Variants in OTOA observed in about 807,000 individuals in gnomAD.
The protein encoded by OTOA is otoancorin.
OTOA carries 70 observed loss-of-function variants against 110.8 expected under a neutral mutation model. The observed-to-expected ratio is 0.63, with a 90% CI of 0.52 to 0.77. The LOEUF is 0.77. Among genes scored for constraint, OTOA ranks in the 30% least tolerant of loss-of-function variants. OTOA has a pLI of 0.00. For synonymous variants in OTOA, 373 were observed against 431.5 expected (o/e 0.86, Z 1.68); for missense variants, 917 against 1,075.8 (o/e 0.85, Z 2.06).
In OTOA at chr16:21,722,963, T is replaced by A. The variant is rs750007142; in HGVS notation, c.1865T>A (p.Leu622His). The A allele has an allele frequency of 2.5e-6, 4 of 1,614,024 alleles. No homozygotes were observed. Among genetic ancestry groups the A allele is most frequent in the Non-Finnish European group, 3.4e-6 (4 of 1,180,006 alleles). ...TCCAGATTGTCTATGCCACCTTTCC[T>A]CTTGGCTGCACTCCCGTAAGTGAAC... ...EVSRLSMPPF[L>H]LAALPARYLA... The change falls in exon 18 of 29, where the codon CTC becomes CAC. Residue 622 changes from leucine to histidine, a missense_variant. Leu to His is a moderately conservative substitution (Grantham distance 99). Around this residue, in one of 6 missense-constraint regions of OTOA, gnomAD observed 840 missense variants for 910.2 expected, o/e 0.92. Transcript: ENST00000646100.
At chr16:21,738,456 T>C (rs573866327) in intron 22 of OTOA, among the ~76,000 whole-genome samples, 1 of 131,374 alleles carries the variant, frequency 7.6e-6, no homozygotes, top group East Asian at 2.2e-4. Flanking sequence ...CCCGTTTTTT[T>C]TTTTTCTTGG....
In OTOA at chr16:21,700,866, C is replaced by T. The variant is rs374823568; in HGVS notation, c.841-22C>T. On this transcript the variant is annotated intron_variant, in intron 10 of 28. Transcript: ENST00000646100. ...CACTTCCACCCTCCTCACTGATATT[C>T]TCGTCCTTGTCCACCAACTAGATTG... is the stretch of plus-strand genomic sequence containing the variant. 6 of 1,613,608 alleles carry T rather than the reference C, an allele frequency of 3.7e-6. No homozygotes were observed. In the African/African-American group the frequency reaches 6.7e-5, roughly 18 times the overall value.
chr16:21,691,569 G>A lies in OTOA; in HGVS notation c.636-15G>A, dbSNP rs758589557. On this transcript the variant is annotated splice_polypyrimidine_tract_variant and intron_variant, in intron 8 of 28. Transcript: ENST00000646100. ...CTGCTTGTTATTAGCTGATGCCTGT[G>A]TTTGTGTCATTTAGATCTGCAGTGT... The A allele has an allele frequency of 4.4e-6, 7 of 1,605,248 alleles. No individual in the cohort carries two copies. In the South Asian group the frequency reaches 4.4e-5, roughly 10 times the overall value.
intron 9 of OTOA, among the ~76,000 whole-genome samples, chr16:21,693,184 AGCCCGGGAG>A (rs1897867739): frequency 6.6e-6 from 1 of 152,140 alleles, no homozygotes; most frequent in Non-Finnish European, 1.5e-5. Flanking sequence ...GAATCACTTG[AGCCCGGGAG>A]GCAGAACTTG....
At chr16:21,683,657 G>T (rs758984163) in intron 6 of OTOA, among the ~76,000 whole-genome samples, 3 of 152,006 alleles carry the variant, frequency 2.0e-5, no homozygotes, top group Non-Finnish European at 4.4e-5. Context: ...GGTGAGCTAT[G>T]ATCATACCAC....
intron 1 of OTOA, among the ~76,000 whole-genome samples, chr16:21,675,739 T>C (rs1361573719): frequency 1.3e-5 from 2 of 152,122 alleles, no homozygotes; most frequent in Admixed American, 1.3e-4. Flanking sequence ...ACCTACCATG[T>C]CTCTCCCTTT....
In OTOA at chr16:21,709,909, A is replaced by G. The variant is rs751212473; in HGVS notation, c.1126A>G (p.Ile376Val). 6.2e-7 allele frequency: 1 copy of G among 1,613,878 alleles called. No individual in the cohort carries two copies. Among genetic ancestry groups the G allele is most frequent in the Non-Finnish European group, 8.5e-7 (1 of 1,179,836 alleles). ...VQKLKAELLDIAMENQTLNET... is the reference protein window; with the variant it reads ...VQKLKAELLDVAMENQTLNET... ...CCAGCTCAAAGCAGAACTCCTGGAC[A>G]TTGCCATGGAGAACCAGACCCTCAA... Residue 376 changes from isoleucine to valine, a missense_variant, in exon 13 of 29, where the codon ATT becomes GTT. Ile to Val is a conservative substitution (Grantham distance 29). Coordinates refer to ENST00000646100, the MANE Select transcript of OTOA (RefSeq NM_144672.4).
chr16:21,707,603 TTC>T lies in OTOA; in HGVS notation c.1105-2283_1105-2282del, dbSNP rs1898209564. On this transcript the variant is annotated intron_variant, in intron 12 of 28. Transcript: ENST00000646100. ...CTTCCTTCTCCTTCCTTTTCTTTCT[TTC>T]TTTCTTTCTTTCTTTCTTTCTTTCT... Among the ~76,000 whole-genome samples the T allele has an allele frequency of 3.9e-5, 3 of 75,976 alleles. 1 individual carries two copies. Among genetic ancestry groups the T allele is most frequent in the African/African-American group, 8.4e-5 (2 of 23,688 alleles). 49.8% of individuals were successfully genotyped at this position (75,976 alleles called of 152,430 possible). A position where few individuals can be genotyped will look rare whatever the true frequency, so the allele number is the denominator to read the frequency against.
In OTOA at chr16:21,705,171, T is replaced by G. The variant is rs1898134793; in HGVS notation, c.983T>G (p.Leu328Arg). Reference sequence around the variant, plus strand: ...CCATCCCTCCTCTTCTCACACAGGCTGGGGCTGCTGGTTTGTTTCTACAAT... The same window carrying G: ...CCATCCCTCCTCTTCTCACACAGGCGGGGGCTGCTGGTTTGTTTCTACAAT... ...NMRNTSTIHR[L>R]GLLVCFYNDL... Residue 328 changes from leucine to arginine, a missense_variant and splice_region_variant, in exon 12 of 29, where the codon CTG (leucine) becomes CGG (arginine). Around this residue, in one of 6 missense-constraint regions of OTOA, gnomAD observed 840 missense variants for 910.2 expected, o/e 0.92. Transcript: ENST00000646100. 1 of 1,614,162 alleles carries G rather than the reference T, an allele frequency of 6.2e-7. No individual in the cohort carries two copies. Among genetic ancestry groups the G allele is most frequent in the Non-Finnish European group, 8.5e-7 (1 of 1,180,016 alleles).
At chr16:21,721,232 TACAC>T (rs35961471) in intron 17 of OTOA, 89,789 of 367,874 alleles carry the variant, frequency 0.24, 4,847 homozygotes, top group Non-Finnish European at 0.27. Context: ...ACATAATTAT[TACAC>T]ACACACACAC....
rs781385117 is a variant in OTOA at position 21,679,014 on chromosome 16, A to G, written c.121-22A>G. The G allele has an allele frequency of 1.1e-5, 18 of 1,613,972 alleles. 1 individual carries two copies. In the South Asian group the frequency reaches 2.0e-4, roughly 18 times the overall value. On this transcript the variant is annotated intron_variant, in intron 3 of 28. Coordinates refer to ENST00000646100, the MANE Select transcript of OTOA (RefSeq NM_144672.4). The stretch of plus-strand genomic sequence containing the variant: ...TGCCAACTTTTGGTTGTTATACTTG[A>G]TGTTATCTCTTTGCCTTTTAGGAAG...
chr16:21,695,900 T>A (rs1321643172), intron 9 of OTOA, among the ~76,000 whole-genome samples: 1 of 121,970 alleles, frequency 8.2e-6, no homozygotes, highest in Non-Finnish European at 1.7e-5. Context: ...TATTTTTTTT[T>A]TTTTTTTTTT....
At chr16:21,668,534 C>A (rs1966845084) in intron 1 of OTOA, among the ~76,000 whole-genome samples, 1 of 142,324 alleles carries the variant, frequency 7.0e-6, no homozygotes, top group East Asian at 2.0e-4. Flanking sequence ...GATCTCGGGT[C>A]ACTGCAACCT....
intron 19 of OTOA, 148 bp downstream of exon 19, chr16:21,726,806 G>A: frequency 8.5e-7 from 1 of 1,173,740 alleles, no homozygotes; most frequent in Admixed American, 1.9e-5. Context: ...TAAAGTTGCT[G>A]GTTGGAACAA....
intron 2 of OTOA, 93 bp from the exon 3 acceptor site, chr16:21,678,822 G>A: frequency 1.3e-6 from 2 of 1,483,410 alleles, no homozygotes; most frequent in East Asian, 2.3e-5. Flanking sequence ...TCCTTCATGA[G>A]TGGCTTTCTG....
chr16:21,670,613 G>A lies in OTOA; in HGVS notation c.-5+6381G>A, dbSNP rs1176411129. 3.9e-5 allele frequency among the ~76,000 whole-genome samples: 6 copies of A among 152,134 alleles called. 1 individual carries two copies. Among genetic ancestry groups the A allele is most frequent in the African/African-American group, 1.2e-4 (5 of 41,434 alleles). On this transcript the variant is annotated intron_variant, in intron 1 of 28. Transcript: ENST00000646100. ...CTGGTTCATTCCAACACACCAGCAGGGAGTTAGTTTTGTAAACTGCTGTAT... is the reference window on the plus strand; with the variant it reads ...CTGGTTCATTCCAACACACCAGCAGAGAGTTAGTTTTGTAAACTGCTGTAT...
intron 1 of OTOA, among the ~76,000 whole-genome samples, chr16:21,676,121 G>A (rs1966857200): frequency 6.6e-6 from 1 of 152,076 alleles, no homozygotes; most frequent in Non-Finnish European, 1.5e-5. Flanking sequence ...GTTTCACCAT[G>A]TTGCCCAGGC....
At chr16:21,724,469 A>G (rs1208991785) in intron 18 of OTOA, among the ~76,000 whole-genome samples, 2 of 151,256 alleles carry the variant, frequency 1.3e-5, no homozygotes, top group Non-Finnish European at 1.5e-5. Context: ...GTTAAGGGAC[A>G]TCAGATCATG....
chr16:21,673,007 G>C (rs1966851368), intron 1 of OTOA, among the ~76,000 whole-genome samples: 1 of 152,082 alleles, frequency 6.6e-6, no homozygotes. Flanking sequence ...AATTAGCTGG[G>C]CATGGTAGTG....
Sources: gnomAD v4.1 joint callset for allele counts (sites outside exome capture counted in the v4.1 genomes callset) on GRCh38, gnomAD v4.1.1 for gene constraint, gnomAD v4.1.1 regional missense constraint, MANE v1.5 for transcripts, NCBI Gene and HGNC (gene_info 2026-07-23, HGNC 2026-07-21) for gene names.